MGAT4C: variants seen among roughly 807,000 people sequenced by gnomAD.
MGAT4C encodes MGAT4 family member C, also known as alpha-1,3-mannosyl-glycoprotein 4-beta-N-acetylglucosaminyltransferase C.
MGAT4C carries 19 observed loss-of-function variants against 40.1 expected under a neutral mutation model. The observed-to-expected ratio is 0.47, with a 90% CI of 0.33 to 0.70. The LOEUF is 0.70. Among genes scored for constraint, MGAT4C ranks in the 30% least tolerant of loss-of-function variants. MGAT4C has a pLI of 0.02. For missense variants in MGAT4C, 491 were observed against 563.2 expected (o/e 0.87, Z 1.30); for synonymous variants, 181 against 187.1 (o/e 0.97, Z 0.27).
chr12:86,607,008 TTTGGAAAGTATATGATGAAC>T (rs891381464), intron 2 of MGAT4C, among the ~76,000 whole-genome samples: 5 of 152,142 alleles, frequency 3.3e-5, no homozygotes, highest in African/African-American at 4.8e-5. Context: ...TCTTCTATTT[TTTGGAAAGTATATGATGAAC>T]TTGGAAAGTA....
chr12:86,544,126 C>G (rs531601530), intron 2 of MGAT4C, among the ~76,000 whole-genome samples: 2 of 152,068 alleles, frequency 1.3e-5, no homozygotes, highest in African/African-American at 4.8e-5. Context: ...CATAGCCAAG[C>G]CTGGATTCAA....
At chr12:86,433,962 C>G (rs559695953) in intron 3 of MGAT4C, among the ~76,000 whole-genome samples, 1 of 151,922 alleles carries the variant, frequency 6.6e-6, no homozygotes, top group Non-Finnish European at 1.5e-5. Context: ...AAGCTTTTAG[C>G]AATGTACCTA....
chr12:86,177,082 G>A (rs1887532162), intron 1 of MGAT4C, among the ~76,000 whole-genome samples: 1 of 151,682 alleles, frequency 6.6e-6, no homozygotes, highest in Non-Finnish European at 1.5e-5. Flanking sequence ...ATTTGTGTCA[G>A]AATACCAGCT....
chr12:86,424,116 T>C (rs930036960), intron 3 of MGAT4C, among the ~76,000 whole-genome samples: 1 of 152,180 alleles, frequency 6.6e-6, no homozygotes, highest in Non-Finnish European at 1.5e-5. Flanking sequence ...AACCAACATA[T>C]ATAATAAAAA....
chr12:86,727,186 T>C (rs1950835552), intron 2 of MGAT4C: 1 of 152,120 alleles, frequency 6.6e-6, no homozygotes, highest in Non-Finnish European at 1.5e-5. Flanking sequence ...ATGTGCACTT[T>C]TAAAATAGTA....
intron 2 of MGAT4C, among the ~76,000 whole-genome samples, chr12:86,027,880 T>C (rs1161045438): frequency 6.6e-6 from 1 of 151,890 alleles, no homozygotes; most frequent in Non-Finnish European, 1.5e-5. Context: ...ATCATTTCAT[T>C]TTTTCTAAAA....
intron 3 of MGAT4C, among the ~76,000 whole-genome samples, chr12:86,390,929 G>T: frequency 6.6e-6 from 1 of 152,010 alleles, no homozygotes. Context: ...TCTACAACCC[G>T]TATCCTACTC....
intron 3 of MGAT4C, among the ~76,000 whole-genome samples, chr12:86,401,539 A>G (rs962625928): frequency 2.0e-5 from 3 of 152,116 alleles, no homozygotes; most frequent in African/African-American, 7.2e-5. Flanking sequence ...AATTTTGTCA[A>G]ATTAGACAAA....
Position 85,971,417 on chromosome 12 carries a change from G to C in MGAT4C, c.*7872C>G, listed in dbSNP as rs1298895625. 7 of 151,084 alleles carry C rather than the reference G, an allele frequency of 4.6e-5. No individual in the cohort carries two copies. 9.4% of individuals were successfully genotyped at this position (151,084 alleles called of 1,614,324 possible). ...TCGGTTTAGATTGCTTTAACTTGAA[G>C]GACACTTATATTTTGTATCACTTTT... is the stretch of plus-strand genomic sequence containing the variant. On this transcript the variant is annotated 3_prime_UTR_variant, in exon 5 of 5. Transcript: ENST00000611864.
intron 4 of MGAT4C, among the ~76,000 whole-genome samples, chr12:86,289,302 T>C (rs897353704): frequency 6.6e-6 from 1 of 152,182 alleles, no homozygotes; most frequent in Non-Finnish European, 1.5e-5. Flanking sequence ...CTGTTTTGGT[T>C]ACTGTTGCCT....
rs1266753973 is a variant in MGAT4C, at chr12:85,973,345, T to A, written c.*5944A>T. 6.6e-6 allele frequency: 1 copy of A among 151,012 alleles called. No individual in the cohort carries two copies. The highest frequency in any genetic ancestry group is 1.5e-5 in the Non-Finnish European group (1 of 67,148). The allele number at this position is 151,012 out of a possible 1,614,324, so 9.4% of individuals were successfully genotyped here. A position where few individuals can be genotyped will look rare whatever the true frequency, so the allele number is the denominator to read the frequency against. ...TAATTTTTATACATCAAAACTATAATTACCTGTATTTGGGCAGAATGATTT... is the reference window on the plus strand; with the variant it reads ...TAATTTTTATACATCAAAACTATAAATACCTGTATTTGGGCAGAATGATTT... On this transcript the variant is annotated 3_prime_UTR_variant, in exon 5 of 5. Transcript: ENST00000611864.
chr12:86,065,466 T>A (rs900349607), intron 1 of MGAT4C, among the ~76,000 whole-genome samples: 5 of 152,176 alleles, frequency 3.3e-5, no homozygotes, highest in African/African-American at 1.2e-4. Context: ...AACCACATGA[T>A]TATCTCAATA....
intron 1 of MGAT4C, among the ~76,000 whole-genome samples, chr12:86,240,921 T>A (rs1027787219): frequency 6.6e-6 from 1 of 152,136 alleles, no homozygotes; most frequent in African/African-American, 2.4e-5. Flanking sequence ...TCTTTTGAGC[T>A]TTTTTTAACC....
At chr12:86,691,736 A>G (rs996983183) in intron 2 of MGAT4C, among the ~76,000 whole-genome samples, 1 of 152,166 alleles carries the variant, frequency 6.6e-6, no homozygotes, top group Non-Finnish European at 1.5e-5. Flanking sequence ...TATATAAGAC[A>G]TACAACGTAT....
In MGAT4C at chr12:86,523,137, TTG is replaced by T. The variant is rs573839239; in HGVS notation, c.-228-87874_-228-87873del. The stretch of plus-strand genomic sequence containing the variant: ...TTCCGGTATTTATTGTCTTCTAGTT[TTG>T]TGTGTGATGTTGTGTGTTGTGCTTT... On this transcript the variant is annotated intron_variant, in intron 2 of 7. Transcript: ENST00000548651. 2.5e-3 allele frequency among the ~76,000 whole-genome samples: 385 copies of T among 151,894 alleles called. 3 individuals are homozygous for T. Among genetic ancestry groups the T allele is most frequent in the Non-Finnish European group, 3.8e-3 (256 of 67,768 alleles).
At chr12:86,698,074 G>C (rs1483737834) in intron 2 of MGAT4C, among the ~76,000 whole-genome samples, 1 of 151,272 alleles carries the variant, frequency 6.6e-6, no homozygotes, top group African/African-American at 2.4e-5. Flanking sequence ...TTATAAACCT[G>C]TGTATTTGTT....
intron 2 of MGAT4C, among the ~76,000 whole-genome samples, chr12:86,579,218 T>G (rs1441721668): frequency 1.3e-5 from 2 of 151,446 alleles, no homozygotes; most frequent in Non-Finnish European, 3.0e-5. Context: ...TTTTGTGGTC[T>G]TCTCTTCCTC....
In MGAT4C at chr12:85,989,422, T is replaced by A; in HGVS notation, c.125A>T (p.Tyr42Phe). 1 of 1,607,078 alleles carries A rather than the reference T, an allele frequency of 6.2e-7. No individual in the cohort carries two copies. Among genetic ancestry groups the A allele is most frequent in the Non-Finnish European group, 8.5e-7 (1 of 1,176,944 alleles). The change falls in exon 3 of 5, where the codon TAC becomes TTC. Residue 42 changes from tyrosine (Y) to phenylalanine (F), a missense_variant. Tyr to Phe is a conservative substitution (Grantham distance 22, BLOSUM62 3). Transcript: ENST00000611864. Reference protein sequence around the residue: ...LVIFLLFMNLYIEDSYVLEGD... With the variant: ...LVIFLLFMNLFIEDSYVLEGD... ...TACCAGAACATAGCTATCTTCAATG[T>A]ACAAGTTCATAAAAAGGAGAAAAAT...
intron 3 of MGAT4C, among the ~76,000 whole-genome samples, chr12:86,394,503 T>TA (rs1956213953): frequency 6.9e-6 from 1 of 145,522 alleles, no homozygotes; most frequent in Non-Finnish European, 1.5e-5. Flanking sequence ...ATATATATAT[T>TA]TTTTAAATAT....
Sources: gnomAD v4.1 joint callset for allele counts (sites outside exome capture counted in the v4.1 genomes callset) on GRCh38, gnomAD v4.1.1 for gene constraint, MANE v1.5 for transcripts, NCBI Gene and HGNC (gene_info 2026-07-23, HGNC 2026-07-21) for gene names.